The following TLL1 variants were observed in gnomAD, a reference collection of about 807,000 sequenced individuals.
TLL1 encodes tolloid like 1.
A neutral mutation model predicts 128.2 loss-of-function variants in TLL1; 49 were observed. The observed-to-expected ratio is 0.38, with a 90% CI of 0.30 to 0.48. The LOEUF is 0.48. Among genes scored for constraint, TLL1 ranks in the 20% least tolerant of loss-of-function variants. The pLI is 0.96. For synonymous variants in TLL1, 454 were observed against 418.8 expected (o/e 1.08, Z -1.03); for missense variants, 1,123 against 1,242.0 (o/e 0.90, Z 1.44).
intron 1 of TLL1, among the ~76,000 whole-genome samples, chr4:165,987,190 T>C (rs185094425): frequency 1.0e-3 from 152 of 152,170 alleles, no homozygotes; most frequent in African/African-American, 3.4e-3. Flanking sequence ...AGAGACAGGC[T>C]GAGAGTCCCT....
At chr4:165,958,631 GT>G (rs1308767721) in intron 1 of TLL1, among the ~76,000 whole-genome samples, 8 of 140,394 alleles carry the variant, frequency 5.7e-5, no homozygotes, top group African/African-American at 2.3e-4. Context: ...AGATGAGTAG[GT>G]TGCAAAAATT....
chr4:166,074,824 T>C (rs1256543945), intron 16 of TLL1, 54 bp from the exon 17 acceptor site: 1 of 1,605,900 alleles, frequency 6.2e-7, no homozygotes, highest in South Asian at 1.1e-5. Context: ...CTCCCTTTGA[T>C]ATCCTCTGTT....
intron 16 of TLL1, among the ~76,000 whole-genome samples, chr4:166,069,684 A>G (rs1468839301): frequency 6.6e-6 from 1 of 151,780 alleles, no homozygotes; most frequent in African/African-American, 2.4e-5. Flanking sequence ...TAGATTTAAG[A>G]AATAACATTG....
At chr4:165,992,753 C>A in intron 2 of TLL1, 51 bp from the exon 3 acceptor site, 1 of 1,538,200 alleles carries the variant, frequency 6.5e-7, no homozygotes, top group Non-Finnish European at 9.0e-7. Context: ...TTTTTATTTG[C>A]AAGAACTTTA....
At chr4:165,929,152 C>T (rs934838486) in intron 1 of TLL1, among the ~76,000 whole-genome samples, 1 of 152,256 alleles carries the variant, frequency 6.6e-6, no homozygotes, top group African/African-American at 2.4e-5. Context: ...TGCTGCTCAG[C>T]ATTGTTTAAC....
At chr4:165,944,786 C>G (rs958249171) in intron 1 of TLL1, among the ~76,000 whole-genome samples, 1 of 151,942 alleles carries the variant, frequency 6.6e-6, no homozygotes, top group African/African-American at 2.4e-5. Flanking sequence ...TGTGAGATTT[C>G]TGCAGATGTG....
chr4:166,074,800 C>A, intron 16 of TLL1, 78 bp from the exon 17 acceptor site: 1 of 1,576,990 alleles, frequency 6.3e-7, no homozygotes, highest in Admixed American at 1.7e-5. Context: ...GCAGTGTTAA[C>A]CACAACTAAA....
intron 15 of TLL1, among the ~76,000 whole-genome samples, chr4:166,063,505 G>T (rs1740432629): frequency 6.6e-6 from 1 of 152,128 alleles, no homozygotes; most frequent in African/African-American, 2.4e-5. Context: ...ATACCCAAAG[G>T]ATTATAAATC....
rs529320036 is a variant in TLL1 at position 166,032,850 on chromosome 4, G to A, written c.1159-6489G>A. ...GACTATTATAACACATAAGGATGAG[G>A]GACCATTGGGTCATTCATATGTAAA... On this transcript the variant is annotated intron_variant, in intron 9 of 20. Transcript: ENST00000061240. Among the ~76,000 whole-genome samples, 10 of 152,006 alleles carry A rather than the reference G, an allele frequency of 6.6e-5. 1 individual carries two copies. The East Asian group carries it at 1.9e-3, about 29-fold the overall frequency.
chr4:165,895,750 C>G (rs1038786207), intron 1 of TLL1, among the ~76,000 whole-genome samples: 1 of 149,324 alleles, frequency 6.7e-6, no homozygotes, highest in Non-Finnish European at 1.5e-5. Flanking sequence ...GGTGGGAGGA[C>G]TTATAGCTCT....
At chr4:165,943,898 G>T (rs148969338) in intron 1 of TLL1, among the ~76,000 whole-genome samples, 1 of 151,948 alleles carries the variant, frequency 6.6e-6, no homozygotes, top group Non-Finnish European at 1.5e-5. Flanking sequence ...TTCCTATTCC[G>T]CTTTCCTTTT....
intron 12 of TLL1, chr4:166,044,561 C>G: frequency 2.5e-6 from 2 of 804,826 alleles, no homozygotes; most frequent in Non-Finnish European, 3.7e-6. Context: ...GTATTTTATG[C>G]TCCAGACCAT....
chr4:165,910,728 T>C lies in TLL1; in HGVS notation c.169+36655T>C, dbSNP rs138277426. ...CTAAGTAATTTAATAAAACAATGCATTATGTCAAATAACTACGCCCATCAC... is the reference window on the plus strand; with the variant it reads ...CTAAGTAATTTAATAAAACAATGCACTATGTCAAATAACTACGCCCATCAC... On this transcript the variant is annotated intron_variant, in intron 1 of 20. Coordinates refer to ENST00000061240, the MANE Select transcript of TLL1 (RefSeq NM_012464.5). Among the ~76,000 whole-genome samples the C allele has an allele frequency of 5.3e-3, 810 of 152,324 alleles. 13 individuals are homozygous for C. The highest frequency in any genetic ancestry group is 0.018 in the African/African-American group (747 of 41,570).
At chr4:165,959,784 T>G (rs1049804658) in intron 1 of TLL1, among the ~76,000 whole-genome samples, 1 of 152,118 alleles carries the variant, frequency 6.6e-6, no homozygotes, top group African/African-American at 2.4e-5. Flanking sequence ...AAAAGTTATT[T>G]GAAATTAGTG....
At chr4:166,098,513 T>G (rs559618702) in intron 19 of TLL1, among the ~76,000 whole-genome samples, 3 of 152,106 alleles carry the variant, frequency 2.0e-5, no homozygotes, top group Admixed American at 1.3e-4. Context: ...TGGTATAGCC[T>G]ATGCTTATTA....
intron 14 of TLL1, among the ~76,000 whole-genome samples, chr4:166,059,208 T>TACAC (rs370236945): frequency 5.3e-5 from 8 of 150,786 alleles, no homozygotes; most frequent in South Asian, 2.1e-4. Context: ...TATATGTGTA[T>TACAC]ACACACACAC....
intron 1 of TLL1, among the ~76,000 whole-genome samples, chr4:165,891,295 T>G (rs965446817): frequency 7.0e-6 from 1 of 143,180 alleles, no homozygotes; most frequent in African/African-American, 2.6e-5. Flanking sequence ...TTGTTACTTA[T>G]GCAAATTTCT....
At chr4:165,964,990 C>A (rs1260023701) in intron 1 of TLL1, among the ~76,000 whole-genome samples, 1 of 151,554 alleles carries the variant, frequency 6.6e-6, no homozygotes, top group Non-Finnish European at 1.5e-5. Flanking sequence ...ATAAATAGAT[C>A]CATCTATCTT....
chr4:166,060,101 T>A lies in TLL1; in HGVS notation c.1920T>A (p.Pro640=), dbSNP rs757986241. The change falls in exon 15 of 21, where the codon CCT becomes CCA. Residue 640 remains proline, a synonymous_variant. Transcript: ENST00000061240. ...TTPGWPKEYP[P]NKNCVWQVVA... The stretch of plus-strand genomic sequence containing the variant: ...CTGGCTGGCCCAAGGAGTACCCTCC[T>A]AATAAGAACTGTGTGTGGCAAGTGG... 1 of 1,613,842 alleles carries A rather than the reference T, an allele frequency of 6.2e-7. No individual in the cohort carries two copies. Among genetic ancestry groups the A allele is most frequent in the Non-Finnish European group, 8.5e-7 (1 of 1,179,892 alleles).
Sources: gnomAD v4.1 joint callset for allele counts (sites outside exome capture counted in the v4.1 genomes callset) on GRCh38, gnomAD v4.1.1 for gene constraint, MANE v1.5 for transcripts, NCBI Gene and HGNC (gene_info 2026-07-23, HGNC 2026-07-21) for gene names.